The following SHPRH variants were observed in gnomAD, a reference collection of about 807,000 sequenced individuals.
The protein encoded by SHPRH is E3 ubiquitin-protein ligase SHPRH.
Under a neutral mutation model 202.5 loss-of-function variants are expected in SHPRH, and 106 were observed. The ratio of observed to expected loss-of-function variants is 0.52; its 90% CI spans 0.45 to 0.62. SHPRH has a LOEUF of 0.62. SHPRH is among the 20% of genes least tolerant of loss of function. The probability of loss-of-function intolerance (pLI) is 0.00; values close to 1 mark genes in which losing one functional copy is unlikely to be tolerated. For synonymous variants in SHPRH, 729 were observed against 686.0 expected, an observed-to-expected ratio of 1.06 and a Z score of -0.98; for missense variants, 1,710 against 2,020.0, an observed-to-expected ratio of 0.85 and a Z score of 2.94.
exon 3 of SHPRH, chr6:145,864,473 C>A: frequency 3.7e-6 from 1 of 273,258 alleles, no homozygotes; most frequent in South Asian, 4.1e-5. Context: ...AACAAAATAA[C>A]GCCTGTTCCT....
intron 28 of SHPRH, 69 bp from the exon 29 acceptor site, chr6:145,888,169 T>A (rs1391390023): frequency 2.8e-5 from 32 of 1,123,192 alleles, no homozygotes; most frequent in Non-Finnish European, 7.9e-6. Flanking sequence ...CGACTTCACA[T>A]TTTATATGCT....
chr6:145,877,786 G>C (rs771301797), intron 2 of SHPRH: 3 of 152,116 alleles, frequency 2.0e-5, no homozygotes, highest in Non-Finnish European at 4.4e-5. Context: ...ATCTTAACCT[G>C]AACATTCCTT....
chr6:145,963,199 T>G (rs1321691176), intron 1 of SHPRH, among the ~76,000 whole-genome samples: 3 of 152,238 alleles, frequency 2.0e-5, no homozygotes, highest in Admixed American at 2.0e-4. Flanking sequence ...TCCAGCATGT[T>G]TACTAATCAT....
At chr6:145,946,786 T>C (rs1787432391) in intron 6 of SHPRH, among the ~76,000 whole-genome samples, 1 of 151,948 alleles carries the variant, frequency 6.6e-6, no homozygotes, top group Non-Finnish European at 1.5e-5. Context: ...AGGCTAATTC[T>C]GCAAACTTGA....
chr6:145,917,522 C>T (rs1393980952), intron 23 of SHPRH: 1 of 152,076 alleles, frequency 6.6e-6, no homozygotes, highest in East Asian at 1.9e-4. Context: ...TATATCTTGT[C>T]CTCACTTGCC....
In SHPRH at chr6:145,927,270, A is replaced by C. The variant is rs1452963838; in HGVS notation, c.3120T>G (p.Tyr1040Ter). The C allele has an allele frequency of 6.2e-7, 1 of 1,611,270 alleles. No individual in the cohort carries two copies. The highest frequency in any genetic ancestry group is 1.3e-5 in the African/African-American group (1 of 74,848). ...LAGIHIIKGE[Y>*]ALAAELYREV... Reference sequence around the variant, plus strand: ...CTCTGTACAATTCTGCTGCCAAGGCATACTCACCTAAAGAATTAAAATGTA... The same window carrying C: ...CTCTGTACAATTCTGCTGCCAAGGCCTACTCACCTAAAGAATTAAAATGTA... The change falls in exon 15 of 30, where the codon TAT becomes TAG. Residue 1040 changes from tyrosine to a stop codon, truncating the protein, a stop_gained. Coordinates refer to ENST00000275233, the MANE Select transcript of SHPRH (RefSeq NM_001042683.3). LOFTEE classifies it high-confidence loss of function.
rs902948776 is a variant in SHPRH, at chr6:145,952,532, T to C, written c.634-54A>G. On this transcript the variant is annotated intron_variant, in intron 2 of 29. Transcript: ENST00000275233. ...GTTTCATTTGAAATATACCATTCTTTATGAGGACATAAGCAAGAAAAAATT... is the reference window on the plus strand; with the variant it reads ...GTTTCATTTGAAATATACCATTCTTCATGAGGACATAAGCAAGAAAAAATT... 6 of 1,532,934 alleles carry C rather than the reference T, an allele frequency of 3.9e-6. No homozygotes were observed. In the Admixed American group the frequency reaches 9.6e-5, roughly 24 times the overall value. The allele number at this position is 1,532,934 out of a possible 1,614,324, so 95.0% of individuals were successfully genotyped here.
At chr6:145,933,233 C>T in intron 13 of SHPRH, 55 bp from the exon 14 acceptor site, 1 of 1,611,856 alleles carries the variant, frequency 6.2e-7, no homozygotes, top group Non-Finnish European at 8.5e-7. Flanking sequence ...AGTGTGACTT[C>T]AGTGGGAGTG....
chr6:145,882,322 T>C (rs908434622), downstream of SHPRH, among the ~76,000 whole-genome samples: 1 of 152,150 alleles, frequency 6.6e-6, no homozygotes, highest in Non-Finnish European at 1.5e-5. Flanking sequence ...CACCCTATCA[T>C]GCTGGCAGAA....
At chr6:145,901,606 T>A (rs1782510820) in intron 25 of SHPRH, among the ~76,000 whole-genome samples, 1 of 152,124 alleles carries the variant, frequency 6.6e-6, no homozygotes, top group African/African-American at 2.4e-5. Flanking sequence ...AACTCATTAT[T>A]TAGCTACAGC....
chr6:145,943,133 G>C lies in SHPRH; in HGVS notation c.2238+10C>G, dbSNP rs774128440. 1 of 1,563,106 alleles carries C rather than the reference G, an allele frequency of 6.4e-7. No homozygotes were observed. The highest frequency in any genetic ancestry group is 8.7e-7 in the Non-Finnish European group (1 of 1,154,554). On this transcript the variant is annotated intron_variant, in intron 9 of 29. Transcript: ENST00000275233. ...ATTTTCCTCTCCCTCTTTAGTCCAA[G>C]TGGCCTTACCAAGACTCGAAGAGAT... is the stretch of plus-strand genomic sequence containing the variant.
At chr6:145,910,078 A>T in intron 25 of SHPRH, 1 of 164,316 alleles carries the variant, frequency 6.1e-6, no homozygotes, top group Non-Finnish European at 1.3e-5. Flanking sequence ...TTTTCCTTAC[A>T]TTCAGGGATG....
chr6:145,913,582 T>TA, intron 23 of SHPRH, 33 bp from the exon 24 acceptor site: 1 of 1,553,322 alleles, frequency 6.4e-7, no homozygotes, highest in Non-Finnish European at 8.8e-7. Flanking sequence ...ATATATTAGT[T>TA]ACGTTTTTAC....
In SHPRH at chr6:145,884,924, AAG is replaced by A. The variant is rs1780868286; in HGVS notation, c.*1765_*1766del. 1 of 152,176 alleles carries A rather than the reference AAG, an allele frequency of 6.6e-6. No homozygotes were observed. Among genetic ancestry groups the A allele is most frequent in the Non-Finnish European group, 1.5e-5 (1 of 68,018 alleles). 9.4% of individuals were successfully genotyped at this position (152,176 alleles called of 1,614,324 possible). A position where few individuals can be genotyped will look rare whatever the true frequency, so the allele number is the denominator to read the frequency against. On this transcript the variant is annotated 3_prime_UTR_variant, in exon 30 of 30. Transcript: ENST00000275233. ...TATGTAATTTGATTTTACAAAATTGAAGCATATCAAATTGTTTTCTCTAAAAC... is the reference window on the plus strand; with the variant it reads ...TATGTAATTTGATTTTACAAAATTGACATATCAAATTGTTTTCTCTAAAAC...
At chr6:145,897,975 G>C (rs1782159409) in intron 25 of SHPRH, among the ~76,000 whole-genome samples, 1 of 152,034 alleles carries the variant, frequency 6.6e-6, no homozygotes, top group Admixed American at 6.6e-5. Flanking sequence ...GCCCACTCTT[G>C]CCACTGTTAT....
At chr6:145,951,933 A>C (rs1179059255) in intron 3 of SHPRH, 1 of 455,304 alleles carries the variant, frequency 2.2e-6, no homozygotes, top group Non-Finnish European at 4.4e-6. Flanking sequence ...TCTTGCCAAG[A>C]AACAGAGCAA....
chr6:145,898,567 G>C (rs927912832), intron 25 of SHPRH, among the ~76,000 whole-genome samples: 2 of 152,172 alleles, frequency 1.3e-5, no homozygotes, highest in Admixed American at 6.6e-5. Context: ...CTGAGTCATG[G>C]GGGTGGATCC....
chr6:145,918,092 T>C (rs926059533), intron 23 of SHPRH, 39 bp downstream of exon 23: 8 of 1,504,666 alleles, frequency 5.3e-6, no homozygotes, highest in African/African-American at 1.4e-5. Flanking sequence ...TTTATGATAA[T>C]GCAGCATAGG....
chr6:145,923,585 C>T (rs1300805155), intron 18 of SHPRH, 58 bp downstream of exon 18: 2 of 1,574,754 alleles, frequency 1.3e-6, no homozygotes, highest in African/African-American at 1.4e-5. Flanking sequence ...CTAGAAAATA[C>T]AAGGATTTCT....
Sources: allele counts gnomAD v4.1 joint callset (sites outside exome capture counted in the v4.1 genomes callset), GRCh38; gene constraint gnomAD v4.1.1; transcripts MANE v1.5; gene names NCBI Gene and HGNC (gene_info 2026-07-23, HGNC 2026-07-21).